The following BCAS3 variants were observed in gnomAD, a reference collection of about 807,000 sequenced individuals.
BCAS3 encodes BCAS4/BCAS3 fusion.
BCAS3 carries 53 observed loss-of-function variants against 116.1 expected under a neutral mutation model. That is an observed-to-expected ratio of 0.46 (90% confidence interval 0.37 to 0.57). BCAS3 has a LOEUF of 0.57. Among genes scored for constraint, BCAS3 ranks in the 20% least tolerant of loss-of-function variants. The probability of loss-of-function intolerance (pLI) is 0.00; values close to 1 mark genes in which losing one functional copy is unlikely to be tolerated. For synonymous variants in BCAS3, 391 were observed against 408.2 expected, an observed-to-expected ratio of 0.96 and a Z score of 0.51; for missense variants, 917 against 1,165.4, an observed-to-expected ratio of 0.79 and a Z score of 3.10.
Position 61,316,303 on chromosome 17 carries a change from C to T in BCAS3, c.2426-52024C>T, listed in dbSNP as rs1402920118. 6.6e-6 allele frequency among the ~76,000 whole-genome samples: 1 copy of T among 152,044 alleles called. No individual in the cohort carries two copies. The highest frequency in any genetic ancestry group is 6.6e-5 in the Admixed American group (1 of 15,258). ...CCTGGGTGATAGAGTGAGACTCCAT[C>T]TCAATAATAATAATATTAATAGTAA... On this transcript the variant is annotated intron_variant, in intron 22 of 23. Transcript: ENST00000407086. The surrounding 1 kb of genome is among the most constrained non-coding windows in gnomAD (Gnocchi z 5.8).
intron 7 of BCAS3, among the ~76,000 whole-genome samples, chr17:60,833,052 G>A (rs1179984384): frequency 6.6e-6 from 1 of 152,136 alleles, no homozygotes; most frequent in African/African-American, 2.4e-5. Context: ...AAAAAATAGA[G>A]ATAGGGGTCT....
At chr17:61,149,794 A>G (rs2077444601) in intron 22 of BCAS3, among the ~76,000 whole-genome samples, 1 of 152,260 alleles carries the variant, frequency 6.6e-6, no homozygotes, top group African/African-American at 2.4e-5. Context: ...AAATATTAAA[A>G]TAAACATTAC....
At chr17:61,005,836 G>A (rs1441328232) in intron 15 of BCAS3, among the ~76,000 whole-genome samples, 2 of 141,338 alleles carry the variant, frequency 1.4e-5, no homozygotes, top group Non-Finnish European at 3.0e-5. Flanking sequence ...TAGGGTACAT[G>A]TGCACATTGT....
At position 61,087,958 on chromosome 17, in the gene BCAS3, G is replaced by A. The variant is rs752745530; in HGVS notation, c.2425+3394G>A. 6.6e-6 allele frequency among the ~76,000 whole-genome samples: 1 copy of A among 152,150 alleles called. No individual in the cohort carries two copies. The highest frequency in any genetic ancestry group is 6.5e-5 in the Admixed American group (1 of 15,276). ...AGCACTTTGGGAGGCCGAAGCGGTG[G>A]ATCACTTGAGGTCAGGTGTTTGAGA... On this transcript the variant is annotated intron_variant, in intron 22 of 23. Transcript: ENST00000407086. This position sits in a 1 kb window ranked among gnomAD's most constrained non-coding sequence, Gnocchi z 4.6.
At chr17:60,889,852 A>T in intron 10 of BCAS3, 81 bp downstream of exon 10, 1 of 1,250,688 alleles carries the variant, frequency 8.0e-7, no homozygotes, top group African/African-American at 1.5e-5. Context: ...TGTGCTCCAT[A>T]GTTGATTACC....
At chr17:61,312,872 C>T (rs2054430165) in intron 22 of BCAS3, among the ~76,000 whole-genome samples, 1 of 152,192 alleles carries the variant, frequency 6.6e-6, no homozygotes, top group Non-Finnish European at 1.5e-5. Context: ...TGCCCTTTCT[C>T]CCACAAGATG....
rs1346557776 is a variant in BCAS3, at chr17:61,239,798, A to G, written c.2426-128529A>G. 6.6e-6 allele frequency among the ~76,000 whole-genome samples: 1 copy of G among 152,246 alleles called. No individual in the cohort carries two copies. The highest frequency in any genetic ancestry group is 6.5e-5 in the Admixed American group (1 of 15,284). Reference sequence around the variant, plus strand: ...GGAGTTGATACCAGTTGGAATAGTAAAGACCAAAGGAGAAATTGTGAGTTA... The same window carrying G: ...GGAGTTGATACCAGTTGGAATAGTAGAGACCAAAGGAGAAATTGTGAGTTA... On this transcript the variant is annotated intron_variant, in intron 22 of 23. Transcript: ENST00000407086. The surrounding 1 kb of genome is among the most constrained non-coding windows in gnomAD (Gnocchi z 4.2).
chr17:60,723,674 T>TCTA (rs2039486751), intron 5 of BCAS3, among the ~76,000 whole-genome samples: 1 of 151,708 alleles, frequency 6.6e-6, no homozygotes, highest in Admixed American at 6.6e-5. Flanking sequence ...GTCCCAATAG[T>TCTA]CTACTTTATA....
intron 6 of BCAS3, among the ~76,000 whole-genome samples, chr17:60,780,784 T>A (rs1257372056): frequency 6.6e-6 from 1 of 152,200 alleles, no homozygotes; most frequent in African/African-American, 2.4e-5. Flanking sequence ...CCTTCTAATT[T>A]CCAGGCTGAG....
At chr17:61,202,821 G>A (rs560733091) in intron 22 of BCAS3, among the ~76,000 whole-genome samples, 5 of 152,282 alleles carry the variant, frequency 3.3e-5, no homozygotes, top group South Asian at 4.1e-4. Flanking sequence ...GAAAAAAGAT[G>A]ATGAGTCAAT....
chr17:60,968,592 C>CTAGAGCCAAGGT (rs2061784704), intron 14 of BCAS3, among the ~76,000 whole-genome samples: 1 of 152,012 alleles, frequency 6.6e-6, no homozygotes, highest in Admixed American at 6.5e-5. Flanking sequence ...TAGGTGGTAC[C>CTAGAGCCAAGGT]TAAAGCCCAG....
intron 14 of BCAS3, among the ~76,000 whole-genome samples, chr17:60,976,446 T>C (rs1006579669): frequency 1.3e-5 from 2 of 150,862 alleles, no homozygotes; most frequent in African/African-American, 4.9e-5. Flanking sequence ...TATATATTTT[T>C]TTTTTAGTAT....
At chr17:61,238,909 C>T (rs2083271194) in intron 22 of BCAS3, among the ~76,000 whole-genome samples, 1 of 152,132 alleles carries the variant, frequency 6.6e-6, no homozygotes, top group Non-Finnish European at 1.5e-5. Context: ...TGAGGCTAAC[C>T]TCCTGTGATG....
intron 5 of BCAS3, among the ~76,000 whole-genome samples, chr17:60,738,865 C>A (rs1465831090): frequency 2.0e-5 from 3 of 152,160 alleles, no homozygotes; most frequent in African/African-American, 7.2e-5. Context: ...AATTGATCCT[C>A]CTGCCTCAGC....
rs573732265 is a variant in BCAS3, at chr17:60,766,240, G to A, written c.403+18961G>A. On this transcript the variant is annotated intron_variant, in intron 6 of 23. Coordinates refer to ENST00000407086, the MANE Select transcript of BCAS3 (RefSeq NM_017679.5). Reference sequence around the variant, plus strand: ...TGCTTTGTTACGTTGCTGGCAAGGAGCTGTGATCCTTTGGTGGAGAAGAAG... The same window carrying A: ...TGCTTTGTTACGTTGCTGGCAAGGAACTGTGATCCTTTGGTGGAGAAGAAG... Among the ~76,000 whole-genome samples the A allele has an allele frequency of 7.2e-5, 11 of 152,302 alleles. No homozygotes were observed. The South Asian group carries it at 1.5e-3, about 20-fold the overall frequency.
chr17:60,700,788 A>C (rs963220781), intron 4 of BCAS3, among the ~76,000 whole-genome samples: 3 of 152,190 alleles, frequency 2.0e-5, no homozygotes, highest in African/African-American at 4.8e-5. Flanking sequence ...ATGTGCTTGA[A>C]AATTATCTAT....
chr17:61,092,236 C>T (rs568200121), intron 22 of BCAS3, among the ~76,000 whole-genome samples: 1 of 152,134 alleles, frequency 6.6e-6, no homozygotes, highest in Admixed American at 6.5e-5. Context: ...TCAAATATAC[C>T]ACACTTTATA....
intron 22 of BCAS3, among the ~76,000 whole-genome samples, chr17:61,295,850 G>C (rs984934559): frequency 6.6e-6 from 1 of 151,600 alleles, no homozygotes; most frequent in Admixed American, 6.6e-5. Context: ...AGCTACTCAG[G>C]AGGCTGAGGC....
At chr17:61,206,719 T>C (rs921616060) in intron 22 of BCAS3, among the ~76,000 whole-genome samples, 1 of 147,926 alleles carries the variant, frequency 6.8e-6, no homozygotes, top group Non-Finnish European at 1.5e-5. Flanking sequence ...GAGAATCGCT[T>C]GAACCTGGGA....
Sources: allele counts gnomAD v4.1 joint callset (sites outside exome capture counted in the v4.1 genomes callset), GRCh38; gene constraint gnomAD v4.1.1; non-coding constraint Gnocchi (gnomAD v3.1); transcripts MANE v1.5; gene names NCBI Gene and HGNC (gene_info 2026-07-23, HGNC 2026-07-21).